Variants in HCN1 observed in about 807,000 individuals in gnomAD.
The protein encoded by HCN1 is potassium/sodium hyperpolarization-activated cyclic nucleotide-gated channel 1.
Under a neutral mutation model 78.9 loss-of-function variants are expected in HCN1, and 13 were observed. The observed-to-expected ratio is 0.16, with a 90% CI of 0.11 to 0.26. The LOEUF is 0.26. Ranked by LOEUF, HCN1 falls within the 10% of genes least tolerant of loss-of-function variation. The pLI, the probability that HCN1 is intolerant of heterozygous loss-of-function variation, is 1.00. For synonymous variants in HCN1, 552 were observed against 455.5 expected (o/e 1.21, Z -2.70); for missense variants, 810 against 1,154.3 (o/e 0.70, Z 4.32).
intron 2 of HCN1, 197 bp downstream of exon 2, chr5:45,644,988 G>T: frequency 5.5e-6 from 3 of 547,876 alleles, no homozygotes; most frequent in Middle Eastern, 4.8e-4. Context: ...ATTTTTTTCA[G>T]TTCATTCAAA....
At chr5:45,386,826 C>T (rs547822432) in intron 4 of HCN1, among the ~76,000 whole-genome samples, 2 of 152,012 alleles carry the variant, frequency 1.3e-5, no homozygotes, top group South Asian at 4.1e-4. Flanking sequence ...CACTCTCATG[C>T]TAAAATTTAC....
chr5:45,430,991 T>C (rs1740451205), intron 3 of HCN1, among the ~76,000 whole-genome samples: 1 of 152,214 alleles, frequency 6.6e-6, no homozygotes, highest in Non-Finnish European at 1.5e-5. Flanking sequence ...CAAATTATAA[T>C]CTTGTTTTAA....
chr5:45,358,813 C>T (rs747560852), intron 4 of HCN1, among the ~76,000 whole-genome samples: 7 of 152,036 alleles, frequency 4.6e-5, no homozygotes, highest in South Asian at 4.1e-4. Flanking sequence ...CTTTTCCTGA[C>T]GCCCCGCTTG....
chr5:45,330,344 T>C (rs993754806), intron 5 of HCN1, among the ~76,000 whole-genome samples: 3 of 151,178 alleles, frequency 2.0e-5, no homozygotes, highest in Admixed American at 6.6e-5. Flanking sequence ...TGTGGATATA[T>C]CAACAGTTTG....
chr5:45,658,366 A>G (rs1268079851), intron 1 of HCN1, among the ~76,000 whole-genome samples: 4 of 152,250 alleles, frequency 2.6e-5, no homozygotes, highest in African/African-American at 9.6e-5. Context: ...AGCAATGGTA[A>G]TGAAAGTCAG....
intron 5 of HCN1, among the ~76,000 whole-genome samples, chr5:45,321,432 A>G (rs570213977): frequency 1.5e-3 from 226 of 150,846 alleles, no homozygotes; most frequent in Middle Eastern, 6.8e-3. Context: ...TGTAGAGAAA[A>G]CTAACTGTGC....
chr5:45,301,518 A>T (rs1381112125), intron 6 of HCN1, among the ~76,000 whole-genome samples: 2 of 151,682 alleles, frequency 1.3e-5, no homozygotes, highest in Non-Finnish European at 2.9e-5. Flanking sequence ...CAGGAGTTAG[A>T]GACCAGCCTG....
chr5:45,372,052 T>A (rs1747387051), intron 4 of HCN1, among the ~76,000 whole-genome samples: 1 of 55,044 alleles, frequency 1.8e-5, no homozygotes, highest in Non-Finnish European at 2.7e-5. Context: ...ATTATATATA[T>A]AATATAATTA....
chr5:45,370,803 A>C (rs1747338499), intron 4 of HCN1, among the ~76,000 whole-genome samples: 1 of 152,114 alleles, frequency 6.6e-6, no homozygotes, highest in East Asian at 1.9e-4. Flanking sequence ...AATGCAAAAA[A>C]ATGTTAAAGA....
At chr5:45,544,008 A>G (rs1016548730) in intron 2 of HCN1, among the ~76,000 whole-genome samples, 5 of 152,040 alleles carry the variant, frequency 3.3e-5, no homozygotes, top group Non-Finnish European at 7.4e-5. Context: ...TTAAATATGT[A>G]TGGCTACATT....
chr5:45,302,084 A>G (rs773964508), intron 6 of HCN1, among the ~76,000 whole-genome samples: 1 of 152,120 alleles, frequency 6.6e-6, no homozygotes, highest in Non-Finnish European at 1.5e-5. Flanking sequence ...ATGCAAACAG[A>G]AATACAAATA....
At chr5:45,637,641 G>A (rs927967516) in intron 2 of HCN1, among the ~76,000 whole-genome samples, 3 of 151,362 alleles carry the variant, frequency 2.0e-5, no homozygotes, top group Non-Finnish European at 4.4e-5. Context: ...AAGAAGCAAT[G>A]CGTAAATAAA....
chr5:45,471,644 A>C (rs1741391197), intron 2 of HCN1, among the ~76,000 whole-genome samples: 2 of 151,948 alleles, frequency 1.3e-5, no homozygotes, highest in South Asian at 4.1e-4. Context: ...CCTCCTGCTG[A>C]ACCATGAACG....
chr5:45,441,296 T>A (rs1044709214), intron 3 of HCN1, among the ~76,000 whole-genome samples: 2 of 151,520 alleles, frequency 1.3e-5, no homozygotes, highest in African/African-American at 4.9e-5. Context: ...ATATTTGCCA[T>A]TAGATCAAAG....
Position 45,649,581 on chromosome 5 carries a change from G to GT in HCN1, c.426-3974dup, listed in dbSNP as rs545306799. On this transcript the variant is annotated intron_variant, in intron 1 of 7. Transcript: ENST00000303230. ...CATCCTTCTTTCACCTCATTTGTTA[G>GT]TTTTTTTTTTTACAACCCTCAGAGC... 6.9e-3 allele frequency among the ~76,000 whole-genome samples: 1,005 copies of GT among 144,944 alleles called. 11 individuals are homozygous for GT. The highest frequency in any genetic ancestry group is 0.021 in the African/African-American group (838 of 39,896).
chr5:45,418,234 T>A (rs1740157388), intron 3 of HCN1, among the ~76,000 whole-genome samples: 1 of 151,842 alleles, frequency 6.6e-6, no homozygotes, highest in Non-Finnish European at 1.5e-5. Context: ...ATGTACTCTG[T>A]TGAAATGCAA....
chr5:45,449,828 C>T (rs775992576), intron 3 of HCN1, among the ~76,000 whole-genome samples: 18 of 152,038 alleles, frequency 1.2e-4, no homozygotes, highest in Non-Finnish European at 2.6e-4. Flanking sequence ...ATTGTAAGAA[C>T]ATAAGTTGGT....
chr5:45,573,253 C>T (rs1410102522), intron 2 of HCN1, among the ~76,000 whole-genome samples: 1 of 152,080 alleles, frequency 6.6e-6, no homozygotes, highest in Non-Finnish European at 1.5e-5. Context: ...CCCCAAACAA[C>T]TTAGTAAGAA....
rs867884969 is a variant in HCN1 at position 45,573,886 on chromosome 5, C to T, written c.849+71299G>A. ...AAAACCATTATATAAGCTTTCTGAA[C>T]AAAAAAAGATATTTATTTTATGAGA... On this transcript the variant is annotated intron_variant, in intron 2 of 7. Coordinates refer to ENST00000303230, the MANE Select transcript of HCN1 (RefSeq NM_021072.4). Among the ~76,000 whole-genome samples the T allele has an allele frequency of 2.0e-5, 3 of 151,550 alleles. 1 individual carries two copies. The highest frequency in any genetic ancestry group is 4.2e-4 in the South Asian group (2 of 4,818).
Sources: gnomAD v4.1 joint callset for allele counts (sites outside exome capture counted in the v4.1 genomes callset) on GRCh38, gnomAD v4.1.1 for gene constraint, MANE v1.5 for transcripts, NCBI Gene and HGNC (gene_info 2026-07-23, HGNC 2026-07-21) for gene names.